Variants in SCHIP1 observed in about 807,000 individuals in gnomAD.
SCHIP1 encodes the protein schwannomin-interacting protein 1.
A neutral mutation model predicts 29.7 loss-of-function variants in SCHIP1; 8 were observed. That is an observed-to-expected ratio of 0.27 (90% CI 0.16 to 0.49). SCHIP1 has a LOEUF of 0.49. SCHIP1 is among the 20% of genes least tolerant of loss of function. SCHIP1 has a pLI of 0.99. For synonymous variants in SCHIP1, 76 were observed against 94.9 expected (o/e 0.80, Z 1.16); for missense variants, 193 against 294.6 (o/e 0.66, Z 2.52).
the SCHIP1 span, among the ~76,000 whole-genome samples, chr3:159,358,920 CTTTTTTTTT>C: frequency 6.2e-5 from 6 of 96,548 alleles, no homozygotes; most frequent in African/African-American, 2.4e-4. Context: ...TATTAGCATC[CTTTTTTTTT>C]TTTTTTTTTT....
the SCHIP1 span, among the ~76,000 whole-genome samples, chr3:159,347,031 C>T: frequency 4.6e-5 from 7 of 151,706 alleles, no homozygotes; most frequent in South Asian, 2.1e-4. Flanking sequence ...ATTTTTTTTC[C>T]GCAGCTTCAC....
chr3:159,278,591 A>G, the SCHIP1 span, among the ~76,000 whole-genome samples: 1 of 152,180 alleles, frequency 6.6e-6, no homozygotes, highest in Non-Finnish European at 1.5e-5. Context: ...GTATAGCTAT[A>G]GCTGCATCAT....
At chr3:159,528,000 A>C in the SCHIP1 span, among the ~76,000 whole-genome samples, 1 of 152,254 alleles carries the variant, frequency 6.6e-6, no homozygotes, top group Admixed American at 6.5e-5. Flanking sequence ...TCATCCAAAA[A>C]AATGGTTTCC....
At chr3:159,537,214 G>A in the SCHIP1 span, among the ~76,000 whole-genome samples, 3 of 152,170 alleles carry the variant, frequency 2.0e-5, no homozygotes, top group African/African-American at 7.2e-5. Context: ...CTGGACCTCT[G>A]CTTCTGAAGC....
the SCHIP1 span, among the ~76,000 whole-genome samples, chr3:159,421,677 T>C: frequency 1.3e-5 from 2 of 152,230 alleles, no homozygotes; most frequent in Non-Finnish European, 2.9e-5. Flanking sequence ...TAATCTTATG[T>C]CTTTGATTTA....
At chr3:159,696,348 C>T in the SCHIP1 span, among the ~76,000 whole-genome samples, 2 of 152,058 alleles carry the variant, frequency 1.3e-5, no homozygotes, top group African/African-American at 4.8e-5. Context: ...CTTGGAATGC[C>T]CTTCTTTCTG....
the SCHIP1 span, among the ~76,000 whole-genome samples, chr3:159,577,511 G>A: frequency 1.7e-4 from 26 of 152,290 alleles, no homozygotes; most frequent in African/African-American, 5.3e-4. Flanking sequence ...ACCTGCCTTA[G>A]CCTTCACATC....
the SCHIP1 span, among the ~76,000 whole-genome samples, chr3:159,406,842 A>T: frequency 6.6e-6 from 1 of 152,184 alleles, no homozygotes; most frequent in Admixed American, 6.5e-5. Context: ...ATATTGGGTT[A>T]TATTATTTGC....
At chr3:159,826,432 C>A in the SCHIP1 span, among the ~76,000 whole-genome samples, 1 of 152,198 alleles carries the variant, frequency 6.6e-6, no homozygotes, top group Non-Finnish European at 1.5e-5. Flanking sequence ...CTTAAACCAT[C>A]AGTACAAGTT....
the SCHIP1 span, among the ~76,000 whole-genome samples, chr3:159,828,410 TATATATAC>T: frequency 7.4e-3 from 379 of 51,020 alleles, 2 homozygotes; most frequent in African/African-American, 0.042. Flanking sequence ...TATATATACG[TATATATAC>T]GTATATATAT....
chr3:159,365,147 G>A, the SCHIP1 span, among the ~76,000 whole-genome samples: 1 of 152,180 alleles, frequency 6.6e-6, no homozygotes, highest in African/African-American at 2.4e-5. Flanking sequence ...AGAGAAGGAA[G>A]GATTGGGGCG....
intron 1 of SCHIP1, among the ~76,000 whole-genome samples, chr3:159,864,447 A>T (rs1347281874): frequency 3.4e-5 from 5 of 147,834 alleles, no homozygotes; most frequent in Non-Finnish European, 7.4e-5. Flanking sequence ...GTATAAAAGT[A>T]GTCTTTCACC....
chr3:159,455,503 C>T, the SCHIP1 span, among the ~76,000 whole-genome samples: 1 of 152,142 alleles, frequency 6.6e-6, no homozygotes, highest in Admixed American at 6.6e-5. Context: ...ACAAGTCAAG[C>T]AAGTGTCACA....
chr3:159,816,567 G>A, the SCHIP1 span, among the ~76,000 whole-genome samples: 6 of 152,148 alleles, frequency 3.9e-5, no homozygotes, highest in Non-Finnish European at 8.8e-5. Flanking sequence ...GAGCCAGCCC[G>A]GCCTCTGCCT....
chr3:159,495,678 C>G, the SCHIP1 span, among the ~76,000 whole-genome samples: 2 of 152,174 alleles, frequency 1.3e-5, no homozygotes, highest in African/African-American at 4.8e-5. Flanking sequence ...AATGGCCATA[C>G]TGCCCAAGGT....
chr3:159,416,655 T>C, the SCHIP1 span, among the ~76,000 whole-genome samples: 1 of 152,236 alleles, frequency 6.6e-6, no homozygotes, highest in Non-Finnish European at 1.5e-5. Flanking sequence ...ATCAACATCC[T>C]TGAGTAAATT....
At chr3:159,469,294 G>A in the SCHIP1 span, among the ~76,000 whole-genome samples, 24 of 152,246 alleles carry the variant, frequency 1.6e-4, no homozygotes, top group African/African-American at 5.5e-4. Flanking sequence ...TAATGATGGA[G>A]TATGGCATAA....
At chr3:159,664,094 G>T in the SCHIP1 span, among the ~76,000 whole-genome samples, 1 of 152,196 alleles carries the variant, frequency 6.6e-6, no homozygotes, top group East Asian at 1.9e-4. Flanking sequence ...GGAAGCAATG[G>T]AAGCCAAGAA....
At chr3:159,807,093 C>G in the SCHIP1 span, among the ~76,000 whole-genome samples, 1 of 152,146 alleles carries the variant, frequency 6.6e-6, no homozygotes, top group African/African-American at 2.4e-5. Context: ...TGACAGATTT[C>G]ACAATTTTGC....
Sources: gnomAD v4.1 joint callset for allele counts (sites outside exome capture counted in the v4.1 genomes callset) on GRCh38, gnomAD v4.1.1 for gene constraint, MANE v1.5 for transcripts, NCBI Gene and HGNC (gene_info 2026-07-23, HGNC 2026-07-21) for gene names.